Variants in HPD observed in about 807,000 individuals in gnomAD.
HPD encodes 4-hydroxyphenylpyruvic acid oxidase.
A neutral mutation model predicts 56.9 loss-of-function variants in HPD; 35 were observed. The ratio of observed to expected loss-of-function variants is 0.62; its 90% CI spans 0.47 to 0.82. The LOEUF is 0.82. Ranked by LOEUF, HPD falls within the 40% of genes least tolerant of loss-of-function variation. The pLI is 0.00. For synonymous variants in HPD, 186 were observed against 200.2 expected (o/e 0.93, Z 0.60); for missense variants, 442 against 506.8 (o/e 0.87, Z 1.23).
chr12:121,870,598 T>A, the HPD span, among the ~76,000 whole-genome samples: 1 of 149,982 alleles, frequency 6.7e-6, no homozygotes, highest in Admixed American at 6.6e-5. Flanking sequence ...ATTGAAGGTT[T>A]TTTTTTTTTT....
At chr12:121,845,116 C>CATATATATAT (rs894870061) in intron 11 of HPD, among the ~76,000 whole-genome samples, 2 of 148,316 alleles carry the variant, frequency 1.3e-5, no homozygotes, top group Non-Finnish European at 2.9e-5. Flanking sequence ...TATACACACA[C>CATATATATAT]ATATATATAT....
At chr12:121,877,585 G>A in the HPD span, among the ~76,000 whole-genome samples, 1 of 152,048 alleles carries the variant, frequency 6.6e-6, no homozygotes, top group Non-Finnish European at 1.5e-5. Context: ...ATACAAAAAT[G>A]AGCCGAGTGT....
intron 6 of HPD, 167 bp downstream of exon 6, chr12:121,856,157 A>T: frequency 1.4e-6 from 1 of 697,674 alleles, no homozygotes; most frequent in South Asian, 1.5e-5. Flanking sequence ...TGTCACTGTG[A>T]TGCAGCATCT....
intron 6 of HPD, 107 bp from the exon 7 acceptor site, chr12:121,854,899 G>A: frequency 1.2e-6 from 1 of 829,894 alleles, no homozygotes. Context: ...GGCCCCTCCA[G>A]TTTCTCCAGC....
chr12:121,869,729 T>C, the HPD span, among the ~76,000 whole-genome samples: 1 of 152,154 alleles, frequency 6.6e-6, no homozygotes, highest in Admixed American at 6.6e-5. Context: ...TTCACCATGT[T>C]GCCCAGGCTG....
intron 7 of HPD, 196 bp from the exon 8 acceptor site, chr12:121,849,986 C>A: frequency 1.7e-6 from 1 of 600,966 alleles, no homozygotes. Flanking sequence ...TCCGTGAGGG[C>A]GGGGACACTG....
chr12:121,863,474 GCAACAATGGACTAATAGC>G (rs1230865355), upstream of HPD: 2 of 152,218 alleles, frequency 1.3e-5, no homozygotes, highest in Non-Finnish European at 2.9e-5. Flanking sequence ...GTTGCAATTT[GCAACAATGGACTAATAGC>G]CTGATTCTCC....
chr12:121,862,576 C>T (rs1198507118), upstream of HPD, among the ~76,000 whole-genome samples: 2 of 119,974 alleles, frequency 1.7e-5, no homozygotes, highest in African/African-American at 3.2e-5. Context: ...GGATTACAGG[C>T]GTGAGCCACC....
chr12:121,839,810 A>C lies in HPD; in HGVS notation c.1100T>G (p.Leu367Arg). 1 of 1,614,190 alleles carries C rather than the reference A, an allele frequency of 6.2e-7. No homozygotes were observed. Among genetic ancestry groups the C allele is most frequent in the Non-Finnish European group, 8.5e-7 (1 of 1,180,016 alleles). Reference sequence around the variant, plus strand: ...CTGCTCCTCCTCGAAAGCCTTGAACAGTGAGTTGAAGTTGCCGGCTCCAAA... The same window carrying C: ...CTGCTCCTCCTCGAAAGCCTTGAACCGTGAGTTGAAGTTGCCGGCTCCAAA... ...QGFGAGNFNSLFKAFEEEQNL... is the reference protein window; with the variant it reads ...QGFGAGNFNSRFKAFEEEQNL... Residue 367 changes from leucine to arginine, a missense_variant, in exon 14 of 14, where the codon CTG becomes CGG. By Grantham distance (102) the Leu-to-Arg change is moderately radical (BLOSUM62 -2). Transcript: ENST00000289004.
Position 121,847,097 on chromosome 12 carries a change from C to T in HPD, c.714G>A (p.Met238Ile), listed in dbSNP as rs769212975. 2.5e-6 allele frequency: 4 copies of T among 1,614,172 alleles called. No individual in the cohort carries two copies. Among genetic ancestry groups the T allele is most frequent in the Admixed American group, 3.3e-5 (2 of 60,000 alleles). The change falls in exon 10 of 14, where the codon ATG becomes ATA. Residue 238 changes from methionine (M) to isoleucine (I), a missense_variant. Physicochemically the swap from Met to Ile is conservative, Grantham distance 10. Coordinates refer to ENST00000289004, the MANE Select transcript of HPD (RefSeq NM_002150.3). ...VVANYEESIK[M>I]PINEPAPGKK... Reference sequence around the variant, plus strand: ...TGCCAGGCGCTGGCTCATTGATGGGCATCTTGATGGACTCTTCATAGTTGG... The same window carrying T: ...TGCCAGGCGCTGGCTCATTGATGGGTATCTTGATGGACTCTTCATAGTTGG...
chr12:121,840,125 AC>A, intron 12 of HPD, 77 bp from the exon 13 acceptor site: 1 of 942,552 alleles, frequency 1.1e-6, no homozygotes, highest in Non-Finnish European at 1.8e-6. Context: ...GGGCTCCTGC[AC>A]CCCAAAAGTC....
intron 7 of HPD, among the ~76,000 whole-genome samples, chr12:121,852,591 A>C (rs1235448898): frequency 2.0e-5 from 3 of 147,218 alleles, no homozygotes; most frequent in African/African-American, 7.7e-5. Context: ...GCACTGTTCT[A>C]AGTGCTATAC....
chr12:121,867,601 C>T (rs1276750354), upstream of HPD, among the ~76,000 whole-genome samples: 1 of 151,806 alleles, frequency 6.6e-6, no homozygotes, highest in African/African-American at 2.4e-5. Context: ...GCAACCTCCA[C>T]CTCCCAGGTT....
chr12:121,886,584 CT>C, the HPD span, among the ~76,000 whole-genome samples: 1 of 152,064 alleles, frequency 6.6e-6, no homozygotes, highest in Non-Finnish European at 1.5e-5. Context: ...CATTTTGCCT[CT>C]TTCTCCCCTT....
rs1175637942 is a variant in HPD at position 121,847,171 on chromosome 12, C to T, written c.640G>A (p.Asp214Asn). The T allele has an allele frequency of 6.2e-7, 1 of 1,614,172 alleles. No homozygotes were observed. Among genetic ancestry groups the T allele is most frequent in the Non-Finnish European group, 8.5e-7 (1 of 1,180,010 alleles). ...LQFHRFWSVD[D>N]TQVHTEYSSL... ...CTATATTCCGTGTGCACCTGCGTGT[C>T]ATCCACGGACCAGAAGCGGTGGAAC... The change falls in exon 10 of 14, where the codon GAC (aspartate) becomes AAC (asparagine). Residue 214 changes from aspartate to asparagine, a missense_variant. Coordinates refer to ENST00000289004, the MANE Select transcript of HPD (RefSeq NM_002150.3).
chr12:121,878,973 C>T, the HPD span, among the ~76,000 whole-genome samples: 1 of 151,734 alleles, frequency 6.6e-6, no homozygotes, highest in Non-Finnish European at 1.5e-5. Context: ...CCATGACTGA[C>T]TTATTTTGTT....
the HPD span, among the ~76,000 whole-genome samples, chr12:121,878,034 G>A: frequency 3.0e-4 from 46 of 152,276 alleles, no homozygotes; most frequent in Non-Finnish European, 6.0e-4. Flanking sequence ...AGGGAGGAAG[G>A]GAAAGTGACT....
At chr12:121,857,624 A>G in intron 3 of HPD, 133 bp downstream of exon 3, 1 of 870,000 alleles carries the variant, frequency 1.1e-6, no homozygotes, top group Non-Finnish European at 1.9e-6. Context: ...ATTAGGATTC[A>G]GAGTATCTGG....
At position 121,849,681 on chromosome 12, in the gene HPD, A is replaced by G. The variant is rs922149342; in HGVS notation, c.518+6T>C. The G allele has an allele frequency of 1.9e-5, 31 of 1,591,822 alleles. No individual in the cohort carries two copies. The highest frequency in any genetic ancestry group is 2.6e-5 in the Non-Finnish European group (30 of 1,159,762). ...TCCACCCACCTCTGCCCTGAGGGAC[A>G]CTCACAGTTTAGGAAGTAGGGGGTC... On this transcript the variant is annotated splice_donor_region_variant and intron_variant, in intron 8 of 13. Coordinates refer to ENST00000289004, the MANE Select transcript of HPD (RefSeq NM_002150.3).
Sources: gnomAD v4.1 joint callset for allele counts (sites outside exome capture counted in the v4.1 genomes callset) on GRCh38, gnomAD v4.1.1 for gene constraint, MANE v1.5 for transcripts, NCBI Gene and HGNC (gene_info 2026-07-23, HGNC 2026-07-21) for gene names.